WDR25: variants seen among roughly 807,000 people sequenced by gnomAD.
WDR25 encodes WD repeat-containing protein 25.
In WDR25, 35 loss-of-function variants were observed where a neutral mutation model predicts 47.7. That is an observed-to-expected ratio of 0.73 (90% CI 0.56 to 0.97). WDR25 has a LOEUF of 0.97. Ranked by LOEUF, WDR25 falls within the 50% of genes least tolerant of loss-of-function variation. WDR25 has a pLI of 0.00. For missense variants in WDR25, 634 were observed against 704.7 expected (o/e 0.90, Z 1.14); for synonymous variants, 248 against 278.9 (o/e 0.89, Z 1.10).
Position 100,484,224 on chromosome 14 carries a change from G to A in WDR25, c.1101+100G>A. ...CAGCATCTATATATAGGACCCTTGA[G>A]GTGGAATAATTACCACTTAATATTT... On this transcript the variant is annotated intron_variant, in intron 4 of 6. Coordinates refer to ENST00000402312, the MANE Select transcript of WDR25 (RefSeq NM_001161476.3). 6 of 1,323,070 alleles carry A rather than the reference G, an allele frequency of 4.5e-6. No homozygotes were observed. In the South Asian group the frequency reaches 1.0e-4, roughly 22 times the overall value. 82.0% of individuals were successfully genotyped at this position (1,323,070 alleles called of 1,614,324 possible).
intron 2 of WDR25, among the ~76,000 whole-genome samples, chr14:100,461,658 G>A (rs551306052): frequency 7.2e-5 from 11 of 152,342 alleles, no homozygotes; most frequent in Admixed American, 6.5e-4. Flanking sequence ...GTTTGGTAAA[G>A]GGTTAGGCAC....
chr14:100,507,559 T>G (rs1901153096), intron 4 of WDR25, among the ~76,000 whole-genome samples: 1 of 152,156 alleles, frequency 6.6e-6, no homozygotes, highest in African/African-American at 2.4e-5. Flanking sequence ...TCTATTTGTT[T>G]GTGTCGTTTA....
intron 2 of WDR25, among the ~76,000 whole-genome samples, chr14:100,399,709 C>T (rs1897334487): frequency 1.3e-5 from 2 of 152,200 alleles, no homozygotes; most frequent in Admixed American, 1.3e-4. Context: ...AAGCCCTGGC[C>T]TGTGGCCTCT....
At position 100,498,475 on chromosome 14, in the gene WDR25, C is replaced by A. The variant is rs1199183976; in HGVS notation, c.1101+14351C>A. ...TTTTTCAAAAAGGTCGGTTTTCTGG[C>A]TCACCTCACTCATTTGCTCATTGAA... On this transcript the variant is annotated intron_variant, in intron 4 of 6. Transcript: ENST00000402312. The surrounding 1 kb of genome is among the most constrained non-coding windows in gnomAD (Gnocchi z 4.2). 6.6e-6 allele frequency among the ~76,000 whole-genome samples: 1 copy of A among 152,132 alleles called. No homozygotes were observed.
At chr14:100,436,824 G>C (rs1898515076) in intron 2 of WDR25, among the ~76,000 whole-genome samples, 1 of 152,208 alleles carries the variant, frequency 6.6e-6, no homozygotes, top group Non-Finnish European at 1.5e-5. Context: ...CTGAGCTGTG[G>C]AGGGTACATG....
chr14:100,376,588 C>T, intron 1 of WDR25, 93 bp downstream of exon 1: 2 of 1,232,000 alleles, frequency 1.6e-6, no homozygotes, highest in African/African-American at 3.1e-5. Flanking sequence ...TCTCTCATAG[C>T]CGCTCGCCTT....
chr14:100,410,083 C>T (rs745937285), intron 2 of WDR25, among the ~76,000 whole-genome samples: 2 of 152,164 alleles, frequency 1.3e-5, no homozygotes, highest in Non-Finnish European at 2.9e-5. Flanking sequence ...TAAGAATAGT[C>T]TTGGCCAAAC....
intron 4 of WDR25, among the ~76,000 whole-genome samples, chr14:100,494,615 G>C (rs543199146): frequency 6.6e-6 from 1 of 152,348 alleles, no homozygotes; most frequent in African/African-American, 2.4e-5. Context: ...TAGAGAGTCT[G>C]CTTCTGGACT....
Position 100,376,504 on chromosome 14 carries a change from G to A in WDR25, c.-16+9G>A. ...AGAACCGAGCGCTTCCGGTGCGTGT[G>A]GTGAGCGGCGGGCCCCGGGCTGGAG... On this transcript the variant is annotated intron_variant, in intron 1 of 6. Coordinates refer to ENST00000402312, the MANE Select transcript of WDR25 (RefSeq NM_001161476.3). The A allele has an allele frequency of 8.1e-7, 1 of 1,231,782 alleles. No individual in the cohort carries two copies. Among genetic ancestry groups the A allele is most frequent in the Non-Finnish European group, 1.0e-6 (1 of 988,038 alleles). 76.3% of individuals were successfully genotyped at this position (1,231,782 alleles called of 1,614,324 possible). A position where few individuals can be genotyped will look rare whatever the true frequency, so the allele number is the denominator to read the frequency against.
chr14:100,419,251 C>T (rs973722508), intron 2 of WDR25, among the ~76,000 whole-genome samples: 3 of 151,834 alleles, frequency 2.0e-5, no homozygotes, highest in African/African-American at 4.8e-5. Context: ...ATTTATTTCC[C>T]GTCTCCACAG....
Position 100,525,821 on chromosome 14 carries a change from C to A in WDR25, c.1102-49C>A, listed in dbSNP as rs771371473. The A allele has an allele frequency of 3.7e-6, 6 of 1,601,490 alleles. No homozygotes were observed. The African/African-American group carries it at 5.4e-5, about 14-fold the overall frequency. On this transcript the variant is annotated intron_variant, in intron 4 of 6. Transcript: ENST00000402312. The surrounding 1 kb of genome is among the most constrained non-coding windows in gnomAD (Gnocchi z 4.6). ...TCCTTGGCCTTCCCTGCATAGGCGC[C>A]TGTCCGTGCTGCCAGGCCTGCCAGC...
intron 3 of WDR25, among the ~76,000 whole-genome samples, chr14:100,483,100 A>G (rs1375343802): frequency 6.6e-6 from 1 of 152,132 alleles, no homozygotes; most frequent in African/African-American, 2.4e-5. Context: ...GCAGTTTCAG[A>G]TGGATGAGGT....
Position 100,430,488 on chromosome 14 carries a change from T to G in WDR25, c.823-37533T>G, listed in dbSNP as rs1898298987. Among the ~76,000 whole-genome samples, 1 of 152,182 alleles carries G rather than the reference T, an allele frequency of 6.6e-6. No individual in the cohort carries two copies. The highest frequency in any genetic ancestry group is 2.4e-5 in the African/African-American group (1 of 41,450). ...AGGAGAGTGTTTTATCATCAGCACG[T>G]CAGATGGCGCCTGGCACAAAGTAGG... On this transcript the variant is annotated intron_variant, in intron 2 of 6. Transcript: ENST00000402312. The surrounding 1 kb of genome is among the most constrained non-coding windows in gnomAD (Gnocchi z 4.7).
At position 100,381,417 on chromosome 14, in the gene WDR25, C is replaced by G. The variant is rs1363673655; in HGVS notation, c.493C>G (p.Gln165Glu). 1 of 1,614,168 alleles carries G rather than the reference C, an allele frequency of 6.2e-7. No individual in the cohort carries two copies. The highest frequency in any genetic ancestry group is 2.2e-5 in the East Asian group (1 of 44,882). ...CGTAGGTAAAAATGGCAGCTCTTTTCAGAAGAAAAAATGTGAGGACTGTGT... is the reference window on the plus strand; with the variant it reads ...CGTAGGTAAAAATGGCAGCTCTTTTGAGAAGAAAAAATGTGAGGACTGTGT... Reference protein sequence around the residue: ...ETVGKNGSSFQKKKCEDCVVP... With the variant: ...ETVGKNGSSFEKKKCEDCVVP... The change falls in exon 2 of 7, where the codon CAG becomes GAG. Residue 165 changes from glutamine (Q) to glutamate (E), a missense_variant. Coordinates refer to ENST00000402312, the MANE Select transcript of WDR25 (RefSeq NM_001161476.3).
intron 4 of WDR25, among the ~76,000 whole-genome samples, chr14:100,494,669 G>A (rs191635182): frequency 6.6e-6 from 1 of 152,302 alleles, no homozygotes; most frequent in Admixed American, 6.5e-5. Context: ...CCTTTAAATA[G>A]GACAGGACAG....
intron 3 of WDR25, among the ~76,000 whole-genome samples, chr14:100,469,647 G>C (rs1899762841): frequency 6.6e-6 from 1 of 152,232 alleles, no homozygotes; most frequent in South Asian, 2.1e-4. Flanking sequence ...CAGACTCAGG[G>C]AGTTTGATGC....
At chr14:100,526,172 A>G (rs1314694818) in intron 5 of WDR25, 132 bp downstream of exon 5, 5 of 1,160,834 alleles carry the variant, frequency 4.3e-6, no homozygotes, top group East Asian at 2.6e-5. Context: ...GGATGAGGGT[A>G]GTCAGGTCTC....
Position 100,449,665 on chromosome 14 carries a change from C to T in WDR25, c.823-18356C>T, listed in dbSNP as rs1011335643. Among the ~76,000 whole-genome samples the T allele has an allele frequency of 6.6e-6, 1 of 152,256 alleles. No homozygotes were observed. The highest frequency in any genetic ancestry group is 1.5e-5 in the Non-Finnish European group (1 of 68,036). ...GGTGATGCTTCCAGGAGCCCCCACT[C>T]AGTAACTGCTGAGAGCATCCCTGAG... On this transcript the variant is annotated intron_variant, in intron 2 of 6. Coordinates refer to ENST00000402312, the MANE Select transcript of WDR25 (RefSeq NM_001161476.3). The surrounding 1 kb of genome is among the most constrained non-coding windows in gnomAD (Gnocchi z 4.2).
chr14:100,508,411 G>T (rs976685182), intron 4 of WDR25, among the ~76,000 whole-genome samples: 1 of 152,254 alleles, frequency 6.6e-6, no homozygotes, highest in South Asian at 2.1e-4. Context: ...TGTAGTACTG[G>T]AAGTCCTAGC....
Sources: allele counts gnomAD v4.1 joint callset (sites outside exome capture counted in the v4.1 genomes callset), GRCh38; gene constraint gnomAD v4.1.1; non-coding constraint Gnocchi (gnomAD v3.1); transcripts MANE v1.5; gene names NCBI Gene and HGNC (gene_info 2026-07-23, HGNC 2026-07-21).